The following ERAP2 variants were observed in gnomAD, a reference collection of about 807,000 sequenced individuals.
ERAP2 encodes the protein leukocyte-derived arginine aminopeptidase.
A neutral mutation model predicts 111.1 loss-of-function variants in ERAP2; 118 were observed. The observed-to-expected ratio is 1.06, with a 90% confidence interval of 0.92 to 1.24. The LOEUF is 1.24. Ranked by LOEUF, ERAP2 falls within the 50% of genes most tolerant of loss-of-function variation. ERAP2 has a pLI of 0.00. For missense variants in ERAP2, 1,131 were observed against 1,125.8 expected (o/e 1.00, Z -0.07); for synonymous variants, 410 against 401.2 (o/e 1.02, Z -0.26).
chr5:96,912,576 C>G lies in ERAP2; in HGVS notation c.2355-61C>G, dbSNP rs1365291086. 2.2e-6 allele frequency: 3 copies of G among 1,358,396 alleles called. No homozygotes were observed. The African/African-American group carries it at 4.5e-5, about 20-fold the overall frequency. 84.1% of individuals were successfully genotyped at this position (1,358,396 alleles called of 1,614,324 possible). A position where few individuals can be genotyped will look rare whatever the true frequency, so the allele number is the denominator to read the frequency against. On this transcript the variant is annotated intron_variant, in intron 15 of 18. Coordinates refer to ENST00000437043, the MANE Select transcript of ERAP2 (RefSeq NM_022350.5). Reference sequence around the variant, plus strand: ...ATTGTGTTATAGGACTTAAAATTGTCATAAGAAAAAAGTTTTTCTTTCATA... The same window carrying G: ...ATTGTGTTATAGGACTTAAAATTGTGATAAGAAAAAAGTTTTTCTTTCATA...
At chr5:96,903,960 G>A (rs761933364) in intron 13 of ERAP2, among the ~76,000 whole-genome samples, 1 of 152,212 alleles carries the variant, frequency 6.6e-6, no homozygotes, top group East Asian at 1.9e-4. Flanking sequence ...ACTTAGTGTG[G>A]ACTCTCTAAG....
chr5:96,881,567 C>T (rs1046103944), intron 2 of ERAP2: 10 of 448,920 alleles, frequency 2.2e-5, no homozygotes, highest in Non-Finnish European at 4.5e-6. Context: ...CATGGCTTAA[C>T]CACACAGGGG....
chr5:96,907,150 C>T (rs1435594713), intron 13 of ERAP2, among the ~76,000 whole-genome samples: 1 of 152,248 alleles, frequency 6.6e-6, no homozygotes, highest in African/African-American at 2.4e-5. Context: ...TGGACTTTTA[C>T]TGTTGAGCTA....
In ERAP2 at chr5:96,879,640, A is replaced by G. The variant is rs199530057; in HGVS notation, c.-46A>G. 17 of 1,534,172 alleles carry G rather than the reference A, an allele frequency of 1.1e-5. No individual in the cohort carries two copies. In the Admixed American group the frequency reaches 2.4e-4, roughly 21 times the overall value. On this transcript the variant is annotated 5_prime_UTR_variant, in exon 2 of 19. Coordinates refer to ENST00000437043, the MANE Select transcript of ERAP2 (RefSeq NM_022350.5). ...AGCCAGTGCAGTGCCATGAAGAACTACGAGATTAGCCTGGATATTAACTTG... is the reference window on the plus strand; with the variant it reads ...AGCCAGTGCAGTGCCATGAAGAACTGCGAGATTAGCCTGGATATTAACTTG...
chr5:96,883,719 T>C, intron 2 of ERAP2, 73 bp from the exon 3 acceptor site: 1 of 1,472,880 alleles, frequency 6.8e-7, no homozygotes, highest in Non-Finnish European at 9.1e-7. Flanking sequence ...ATAAGCTGTT[T>C]GCTGAATGTA....
intron 2 of ERAP2, among the ~76,000 whole-genome samples, chr5:96,882,893 C>T (rs1041745448): frequency 3.9e-5 from 6 of 152,094 alleles, no homozygotes; most frequent in Non-Finnish European, 8.8e-5. Flanking sequence ...CTATTCTATT[C>T]CCCCCTCCTT....
chr5:96,906,932 G>T (rs971060077), intron 13 of ERAP2, among the ~76,000 whole-genome samples: 68 of 152,300 alleles, frequency 4.5e-4, no homozygotes, highest in African/African-American at 1.5e-3. Context: ...GGAGGCTGAG[G>T]CAGGAGAATC....
At chr5:96,881,440 GTGGACGGCT>G (rs1783120606) in intron 2 of ERAP2, 4 of 456,138 alleles carry the variant, frequency 8.8e-6, no homozygotes, top group Admixed American at 7.0e-5. Context: ...GCTTCATAGA[GTGGACGGCT>G]TGGTTTCCCA....
At chr5:96,888,673 C>A (rs1196421614) in intron 4 of ERAP2, among the ~76,000 whole-genome samples, 1 of 152,142 alleles carries the variant, frequency 6.6e-6, no homozygotes, top group Non-Finnish European at 1.5e-5. Flanking sequence ...ATTTTTTCTA[C>A]TTGATAGCTA....
Position 96,915,721 on chromosome 5 carries a change from C to T in ERAP2, c.2691C>T (p.Ile897=), listed in dbSNP as rs929494021. 2.5e-6 allele frequency: 4 copies of T among 1,594,690 alleles called. No individual in the cohort carries two copies. Among genetic ancestry groups the T allele is most frequent in the Non-Finnish European group, 3.4e-6 (4 of 1,171,240 alleles). ...FDLGSYDIRM[I]ISGTTAHFSS... ...TGGGCTCATATGACATAAGGATGAT[C>T]ATCTCTGGCACAACAGCTCACTTTT... The change falls in exon 18 of 19, where the codon ATC becomes ATT. Residue 897 remains isoleucine, a synonymous_variant. Transcript: ENST00000437043.
chr5:96,880,443 T>C (rs891154381), intron 2 of ERAP2, among the ~76,000 whole-genome samples, 183 bp downstream of exon 2: 1 of 152,180 alleles, frequency 6.6e-6, no homozygotes, highest in African/African-American at 2.4e-5. Flanking sequence ...AAGACAGGAC[T>C]CAGAGGCATA....
At position 96,896,847 on chromosome 5, in the gene ERAP2, G is replaced by T. The variant is rs144069129; in HGVS notation, c.1487G>T (p.Trp496Leu). The change falls in exon 9 of 19, where the codon TGG becomes TTG. Residue 496 changes from tryptophan to leucine, a missense_variant. This residue lies in a region of ERAP2 where 847 missense variants were observed against 856.5 expected (regional missense o/e 0.99). Transcript: ENST00000437043. ...SYRNAKNDDLWSSLSNSCLES... is the reference protein window; with the variant it reads ...SYRNAKNDDLLSSLSNSCLES... ...AGAAATGCTAAGAATGATGACTTGTGGAGCAGTCTGTCAAATGTAAGTCAT... is the reference window on the plus strand; with the variant it reads ...AGAAATGCTAAGAATGATGACTTGTTGAGCAGTCTGTCAAATGTAAGTCAT... 1.1e-5 allele frequency: 12 copies of T among 1,100,404 alleles called. No homozygotes were observed. In the African/African-American group the frequency reaches 2.8e-4, roughly 25 times the overall value. The allele number at this position is 1,100,404 out of a possible 1,614,324, so 68.2% of individuals were successfully genotyped here.
intron 5 of ERAP2, among the ~76,000 whole-genome samples, chr5:96,891,945 G>T (rs1206519975): frequency 6.6e-6 from 1 of 152,034 alleles, no homozygotes; most frequent in Non-Finnish European, 1.5e-5. Context: ...CCTTTTTAAA[G>T]TTTTCAGCAG....
intron 15 of ERAP2, among the ~76,000 whole-genome samples, chr5:96,911,909 G>T (rs1786801523): frequency 7.0e-6 from 1 of 142,230 alleles, no homozygotes; most frequent in Admixed American, 7.1e-5. Flanking sequence ...GAAAAAAATG[G>T]CCGGGCGCGG....
In ERAP2 at chr5:96,913,456, A is replaced by C; in HGVS notation, c.2656A>C (p.Lys886Gln). Residue 886 changes from lysine (K) to glutamine (Q), a missense_variant and splice_region_variant, in exon 17 of 19, where the codon AAA becomes CAA. This residue lies in a region of ERAP2 where 279 missense variants were observed against 250.9 expected (regional missense o/e 1.11). Coordinates refer to ENST00000437043, the MANE Select transcript of ERAP2 (RefSeq NM_022350.5). ...VRENWTHLLKKFDLGSYDIRM... is the reference protein window; with the variant it reads ...VRENWTHLLKQFDLGSYDIRM... ...AGAAAATTGGACCCATCTTCTGAAA[A>C]AGTTGGTATTCATTTTCATCCAATG... 1 of 1,613,948 alleles carries C rather than the reference A, an allele frequency of 6.2e-7. No homozygotes were observed. Among genetic ancestry groups the C allele is most frequent in the African/African-American group, 1.3e-5 (1 of 75,046 alleles).
Position 96,879,867 on chromosome 5 carries a change from G to T in ERAP2, c.182G>T (p.Arg61Leu). Residue 61 changes from arginine (R) to leucine (L), a missense_variant, in exon 2 of 19, where the codon CGA becomes CTA. Arg to Leu is a moderately radical substitution (Grantham distance 102). Around this residue, in one of 3 missense-constraint regions of ERAP2, gnomAD observed 847 missense variants for 856.5 expected, o/e 0.99. Coordinates refer to ENST00000437043, the MANE Select transcript of ERAP2 (RefSeq NM_022350.5). ...TTCCCAGTAGCCACTAATGGGGAAC[G>T]ATTTCCTTGGCAGGAGCTAAGGCTC... ...GAFPVATNGE[R>L]FPWQELRLPS... 2 of 1,614,132 alleles carry T rather than the reference G, an allele frequency of 1.2e-6. No individual in the cohort carries two copies. Among genetic ancestry groups the T allele is most frequent in the Non-Finnish European group, 1.7e-6 (2 of 1,180,026 alleles).
At position 96,895,315 on chromosome 5, in the gene ERAP2, A is replaced by T. The variant is rs560394500; in HGVS notation, c.1195A>T (p.Met399Leu). 2 of 1,612,984 alleles carry T rather than the reference A, an allele frequency of 1.2e-6. No homozygotes were observed. The highest frequency in any genetic ancestry group is 2.2e-5 in the South Asian group (2 of 90,940). The change falls in exon 7 of 19, where the codon ATG (methionine) becomes TTG (leucine). Residue 399 changes from methionine to leucine, a missense_variant. Physicochemically the swap from Met to Leu is conservative, Grantham distance 15 (BLOSUM62 2). Coordinates refer to ENST00000437043, the MANE Select transcript of ERAP2 (RefSeq NM_022350.5). ...GCTTAAGGAGGGTTTTGCAAAATAC[A>T]TGGAACTTATCGCTGTTAATGCTAC... Reference protein sequence around the residue: ...IWLKEGFAKYMELIAVNATYP... With the variant: ...IWLKEGFAKYLELIAVNATYP...
At chr5:96,876,970 G>GTATT (rs1428837223) in intron 1 of ERAP2, among the ~76,000 whole-genome samples, 51 of 151,960 alleles carry the variant, frequency 3.4e-4, no homozygotes, top group South Asian at 2.5e-3. Context: ...TTTAATTTAT[G>GTATT]TATTTATTTA....
intron 2 of ERAP2, chr5:96,881,128 G>A (rs1783084340): frequency 1.6e-5 from 5 of 304,144 alleles, no homozygotes; most frequent in South Asian, 2.8e-5. Flanking sequence ...GGAGCCTTGG[G>A]GCGTCTTGTA....
Sources: gnomAD v4.1 joint callset for allele counts (sites outside exome capture counted in the v4.1 genomes callset) on GRCh38, gnomAD v4.1.1 for gene constraint, gnomAD v4.1.1 regional missense constraint, MANE v1.5 for transcripts, NCBI Gene and HGNC (gene_info 2026-07-23, HGNC 2026-07-21) for gene names.